The following MIPOL1 variants were observed in gnomAD, a reference collection of about 807,000 sequenced individuals.
MIPOL1 encodes mirror-image polydactyly gene 1 protein.
In MIPOL1, 57 loss-of-function variants were observed where a neutral mutation model predicts 60.9. That is an observed-to-expected ratio of 0.94 (90% CI 0.76 to 1.17). The LOEUF is 1.17. MIPOL1 is among the 50% of genes most tolerant of loss of function. The probability of loss-of-function intolerance (pLI) is 0.00; values close to 1 mark genes in which losing one functional copy is unlikely to be tolerated. For missense variants in MIPOL1, 551 were observed against 511.6 expected (o/e 1.08, Z -0.74); for synonymous variants, 179 against 168.8 (o/e 1.06, Z -0.47).
At chr14:37,399,038 C>G (rs976648301) in intron 10 of MIPOL1, among the ~76,000 whole-genome samples, 1 of 152,158 alleles carries the variant, frequency 6.6e-6, no homozygotes. Context: ...CTATAGAAAG[C>G]AAGATTGCAA....
intron 10 of MIPOL1, among the ~76,000 whole-genome samples, chr14:37,419,299 A>G (rs537983810): frequency 6.6e-6 from 1 of 152,312 alleles, no homozygotes; most frequent in South Asian, 2.1e-4. Context: ...AAAAGGAAAA[A>G]CTGTAGGGAC....
intron 12 of MIPOL1, among the ~76,000 whole-genome samples, chr14:37,530,757 G>C (rs2095473932): frequency 6.6e-6 from 1 of 151,978 alleles, no homozygotes; most frequent in Non-Finnish European, 1.5e-5. Flanking sequence ...ATTATCAGAA[G>C]TAGCCTGATG....
Position 37,550,216 on chromosome 14 carries a change from T to G in MIPOL1, c.*3245T>G, listed in dbSNP as rs1160429449. ...GTTGCTTATTTATATAATTTGTTTA[T>G]TTTATTAAAAATCTAGAATATTAAA... On this transcript the variant is annotated 3_prime_UTR_variant, in exon 13 of 13. Transcript: ENST00000684589. The G allele has an allele frequency of 6.6e-6, 1 of 151,158 alleles. No individual in the cohort carries two copies. Among genetic ancestry groups the G allele is most frequent in the Non-Finnish European group, 1.5e-5 (1 of 67,628 alleles). 9.4% of individuals were successfully genotyped at this position (151,158 alleles called of 1,614,324 possible).
chr14:37,258,819 G>A (rs577996950), intron 3 of MIPOL1, among the ~76,000 whole-genome samples: 4 of 151,838 alleles, frequency 2.6e-5, no homozygotes, highest in South Asian at 2.1e-4. Context: ...TGATTCATTC[G>A]TGACTACTTC....
chr14:37,343,996 A>G (rs961905018), intron 9 of MIPOL1, among the ~76,000 whole-genome samples: 20 of 152,078 alleles, frequency 1.3e-4, no homozygotes, highest in Admixed American at 1.2e-3. Flanking sequence ...ATTTACTCCT[A>G]TTATTTTGAA....
intron 1 of MIPOL1, among the ~76,000 whole-genome samples, chr14:37,226,360 T>C (rs773942288): frequency 3.3e-5 from 5 of 152,224 alleles, no homozygotes; most frequent in African/African-American, 7.2e-5. Context: ...CACAGTTCCA[T>C]GTGGTGGACT....
At chr14:37,529,622 G>A (rs1029665095) in intron 12 of MIPOL1, among the ~76,000 whole-genome samples, 8 of 152,138 alleles carry the variant, frequency 5.3e-5, no homozygotes, top group Admixed American at 1.3e-4. Context: ...CCTCTTAGTT[G>A]TTCAGTACAG....
chr14:37,486,523 GTTC>G (rs796738723), intron 11 of MIPOL1, among the ~76,000 whole-genome samples: 23 of 152,192 alleles, frequency 1.5e-4, no homozygotes, highest in African/African-American at 5.3e-4. Context: ...ATGGTTTGTA[GTTC>G]TTCTTGAAGA....
In MIPOL1 at chr14:37,247,838, T is replaced by G; in HGVS notation, c.-51T>G. On this transcript the variant is annotated 5_prime_UTR_variant, in exon 3 of 13. Transcript: ENST00000684589. The stretch of plus-strand genomic sequence containing the variant: ...GTTGGCTTTATTTTAGCTGCAAATC[T>G]TGGAGCAAAAACCAGAGACATTGCC... The G allele has an allele frequency of 6.2e-7, 1 of 1,608,280 alleles. No individual in the cohort carries two copies. Among genetic ancestry groups the G allele is most frequent in the Non-Finnish European group, 8.5e-7 (1 of 1,176,424 alleles).
intron 6 of MIPOL1, among the ~76,000 whole-genome samples, chr14:37,273,163 A>C (rs1332208697): frequency 6.6e-6 from 1 of 151,200 alleles, no homozygotes; most frequent in Non-Finnish European, 1.5e-5. Flanking sequence ...GAAAAACTTC[A>C]TAACTATTAA....
At chr14:37,439,061 T>C (rs906221463) in intron 11 of MIPOL1, among the ~76,000 whole-genome samples, 2 of 152,188 alleles carry the variant, frequency 1.3e-5, no homozygotes, top group Non-Finnish European at 1.5e-5. Flanking sequence ...TTGTGAAACA[T>C]AGAGTTAACA....
intron 9 of MIPOL1, among the ~76,000 whole-genome samples, chr14:37,354,669 T>C: frequency 5.2e-5 from 3 of 57,660 alleles, no homozygotes; most frequent in African/African-American, 1.3e-4. Flanking sequence ...TAATGGCCTT[T>C]TTTGTCTCTT....
chr14:37,235,016 C>A (rs1184899855), intron 1 of MIPOL1, among the ~76,000 whole-genome samples: 1 of 138,730 alleles, frequency 7.2e-6, no homozygotes, highest in Non-Finnish European at 1.5e-5. Context: ...TGGTCTTGAT[C>A]TCCTGACCTT....
chr14:37,457,699 C>T (rs1361553584), intron 11 of MIPOL1, among the ~76,000 whole-genome samples: 1 of 152,186 alleles, frequency 6.6e-6, no homozygotes, highest in Non-Finnish European at 1.5e-5. Flanking sequence ...TTAACTCTTA[C>T]TCCTTTTTCA....
intron 3 of MIPOL1, among the ~76,000 whole-genome samples, chr14:37,252,446 A>G (rs1163177781): frequency 6.6e-6 from 1 of 151,920 alleles, no homozygotes; most frequent in Non-Finnish European, 1.5e-5. Context: ...CTTCTTCCTT[A>G]TTTTAGAATT....
At chr14:37,485,005 C>A (rs934401416) in intron 11 of MIPOL1, among the ~76,000 whole-genome samples, 1 of 152,118 alleles carries the variant, frequency 6.6e-6, no homozygotes, top group South Asian at 2.1e-4. Flanking sequence ...CCCTCCACCC[C>A]CTGACAAGCC....
chr14:37,222,898 C>T (rs1054390116), intron 1 of MIPOL1, among the ~76,000 whole-genome samples: 1 of 152,110 alleles, frequency 6.6e-6, no homozygotes, highest in African/African-American at 2.4e-5. Flanking sequence ...TAGCAACAGC[C>T]CTACTCCTTG....
intron 9 of MIPOL1, among the ~76,000 whole-genome samples, chr14:37,344,729 A>G (rs2090820367): frequency 6.6e-6 from 1 of 152,246 alleles, no homozygotes; most frequent in East Asian, 1.9e-4. Context: ...CCATTGGTAA[A>G]ATTTATATAT....
chr14:37,348,560 AT>A (rs1234961183), intron 9 of MIPOL1, among the ~76,000 whole-genome samples: 1 of 152,154 alleles, frequency 6.6e-6, no homozygotes, highest in African/African-American at 2.4e-5. Context: ...GGAATAAAAA[AT>A]AATGTCCCTA....
Sources: gnomAD v4.1 joint callset for allele counts (sites outside exome capture counted in the v4.1 genomes callset) on GRCh38, gnomAD v4.1.1 for gene constraint, MANE v1.5 for transcripts, NCBI Gene and HGNC (gene_info 2026-07-23, HGNC 2026-07-21) for gene names.